ATP2B4: variants seen among roughly 807,000 people sequenced by gnomAD.
ATP2B4 encodes the protein plasma membrane calcium-transporting ATPase 4.
In ATP2B4, 39 loss-of-function variants were observed where a neutral mutation model predicts 110.3. The observed-to-expected ratio is 0.35, with a 90% CI of 0.27 to 0.46. The LOEUF is 0.46. ATP2B4 is among the 20% of genes least tolerant of loss of function. The probability of loss-of-function intolerance (pLI) is 1.00; values close to 1 mark genes in which losing one functional copy is unlikely to be tolerated. For missense variants in ATP2B4, 1,135 were observed against 1,530.9 expected (o/e 0.74, Z 4.32); for synonymous variants, 538 against 571.7 (o/e 0.94, Z 0.84).
intron 1 of ATP2B4, among the ~76,000 whole-genome samples, chr1:203,655,752 T>A (rs1344184940): frequency 6.6e-6 from 1 of 152,074 alleles, no homozygotes; most frequent in Non-Finnish European, 1.5e-5. Flanking sequence ...AAAAAGTCAA[T>A]CAATGCAGCA....
chr1:203,741,148 C>G lies in ATP2B4; in HGVS notation c.*1294C>G, dbSNP rs572260630. The G allele has an allele frequency of 6.6e-6, 1 of 152,626 alleles. No individual in the cohort carries two copies. The highest frequency in any genetic ancestry group is 6.5e-5 in the Admixed American group (1 of 15,300). The allele number at this position is 152,626 out of a possible 1,614,324, so 9.5% of individuals were successfully genotyped here. Reference sequence around the variant, plus strand: ...TTTCCAGTCTCTGAGAAGGTCCCAGCCTTTCTCAAATATTCTGATTTTGAA... The same window carrying G: ...TTTCCAGTCTCTGAGAAGGTCCCAGGCTTTCTCAAATATTCTGATTTTGAA... On this transcript the variant is annotated 3_prime_UTR_variant, in exon 21 of 21. Transcript: ENST00000357681.
Position 203,709,520 on chromosome 1 carries a change from GC to G in ATP2B4, c.1779del (p.Ser594LeufsTer47). 1 of 1,614,132 alleles carries G rather than the reference GC, an allele frequency of 6.2e-7. No homozygotes were observed. Among genetic ancestry groups the G allele is most frequent in the African/African-American group, 1.3e-5 (1 of 75,038 alleles). Reference protein sequence around the residue: ...NGGFRMYSKGASEIILRKCNR... With the variant: ...NGGFRMYSKGXSEIILRKCNR... ...TGGCTTCCGTATGTACAGCAAGGGC[GC>G]CTCTGAGATCATCTTGCGCAAGTGA... On this transcript the variant is annotated frameshift_variant, in exon 11 of 21. Transcript: ENST00000357681. LOFTEE classifies it high-confidence loss of function.
chr1:203,703,865 A>C, intron 8 of ATP2B4, 52 bp downstream of exon 8: 29 of 1,578,226 alleles, frequency 1.8e-5, no homozygotes, highest in Non-Finnish European at 2.4e-5. Flanking sequence ...TTGGATCCTC[A>C]TCACTTTTAT....
intron 1 of ATP2B4, among the ~76,000 whole-genome samples, chr1:203,627,510 C>G (rs1232164467): frequency 1.3e-5 from 2 of 151,836 alleles, no homozygotes; most frequent in Non-Finnish European, 2.9e-5. Flanking sequence ...TTTTTGACAC[C>G]AAAATTGAGC....
At chr1:203,640,978 T>C (rs114575858) in intron 1 of ATP2B4, among the ~76,000 whole-genome samples, 2,490 of 152,330 alleles carry the variant, frequency 0.016, 69 homozygotes, top group African/African-American at 0.057. Context: ...ACAGGCTTTT[T>C]CTTGGAGATC....
Position 203,740,944 on chromosome 1 carries a change from C to A in ATP2B4, c.*1090C>A, listed in dbSNP as rs181921361. On this transcript the variant is annotated 3_prime_UTR_variant, in exon 21 of 21. Transcript: ENST00000357681. ...AGCCATCTGCCAAGGCTCTCCAGGG[C>A]AGGACCTGACTGGTGGGGAATGAGT... The A allele has an allele frequency of 1.3e-5, 2 of 152,406 alleles. No individual in the cohort carries two copies. Among genetic ancestry groups the A allele is most frequent in the African/African-American group, 4.8e-5 (2 of 41,574 alleles). The allele number at this position is 152,406 out of a possible 1,614,324, so 9.4% of individuals were successfully genotyped here.
chr1:203,645,400 TC>T (rs1663764138), intron 1 of ATP2B4, among the ~76,000 whole-genome samples: 1 of 152,178 alleles, frequency 6.6e-6, no homozygotes, highest in Non-Finnish European at 1.5e-5. Flanking sequence ...TATATGCTTT[TC>T]TTCTGCTAGT....
intron 1 of ATP2B4, among the ~76,000 whole-genome samples, chr1:203,675,660 G>A (rs1664807538): frequency 1.3e-5 from 2 of 152,044 alleles, no homozygotes; most frequent in East Asian, 1.9e-4. Context: ...TACCTTTTTT[G>A]GTGGAATTGA....
chr1:203,698,067 C>T (rs1665585403), intron 2 of ATP2B4, 90 bp from the exon 3 acceptor site: 1 of 1,116,710 alleles, frequency 9.0e-7, no homozygotes, highest in Non-Finnish European at 1.3e-6. Context: ...AGTGTAATGA[C>T]ATGATCATGG....
At chr1:203,694,701 G>A (rs150167905) in intron 2 of ATP2B4, among the ~76,000 whole-genome samples, 1 of 152,258 alleles carries the variant, frequency 6.6e-6, no homozygotes, top group East Asian at 1.9e-4. Flanking sequence ...AGGGTTTTGA[G>A]CAGATGAATC....
intron 19 of ATP2B4, among the ~76,000 whole-genome samples, chr1:203,726,537 C>T (rs1325715762): frequency 6.6e-6 from 1 of 152,026 alleles, no homozygotes; most frequent in African/African-American, 2.4e-5. Flanking sequence ...CACATGTGGC[C>T]ATGTGGCCTT....
chr1:203,656,532 C>T (rs1664168547), intron 1 of ATP2B4, among the ~76,000 whole-genome samples: 2 of 152,220 alleles, frequency 1.3e-5, no homozygotes, highest in Admixed American at 1.3e-4. Context: ...CGTCTTCTCA[C>T]ATACTTTTAG....
At chr1:203,663,549 C>T (rs1448042452) in intron 1 of ATP2B4, among the ~76,000 whole-genome samples, 1 of 152,060 alleles carries the variant, frequency 6.6e-6, no homozygotes, top group East Asian at 1.9e-4. Context: ...ATCCCCAGCT[C>T]CAATGTCCTG....
chr1:203,659,542 C>A (rs1445545582), intron 1 of ATP2B4, among the ~76,000 whole-genome samples: 1 of 151,746 alleles, frequency 6.6e-6, no homozygotes, highest in Non-Finnish European at 1.5e-5. Context: ...TGGTGGCACA[C>A]CCCTGTAGTC....
intron 12 of ATP2B4, 89 bp from the exon 13 acceptor site, chr1:203,711,871 T>C: frequency 6.8e-7 from 1 of 1,473,346 alleles, no homozygotes; most frequent in Non-Finnish European, 9.2e-7. Context: ...GCCTTTCTCC[T>C]GTCTGCCACA....
At chr1:203,733,369 T>C in intron 20 of ATP2B4, 1 of 1,614,070 alleles carries the variant, frequency 6.2e-7, no homozygotes, top group Non-Finnish European at 8.5e-7. Flanking sequence ...CCACCACTTC[T>C]GTTCCTGCTG....
At chr1:203,713,532 T>C (rs1016202003) in intron 14 of ATP2B4, among the ~76,000 whole-genome samples, 2 of 152,246 alleles carry the variant, frequency 1.3e-5, no homozygotes, top group East Asian at 3.9e-4. Flanking sequence ...TGGTGCAATC[T>C]CAGCTCACTG....
chr1:203,711,863 C>T, intron 12 of ATP2B4, 97 bp from the exon 13 acceptor site: 1 of 1,430,308 alleles, frequency 7.0e-7, no homozygotes, highest in Non-Finnish European at 9.6e-7. Context: ...TCTAGGGTGC[C>T]TTTCTCCTGT....
chr1:203,627,981 T>C (rs1395432832), intron 1 of ATP2B4, among the ~76,000 whole-genome samples: 1 of 152,136 alleles, frequency 6.6e-6, no homozygotes, highest in Non-Finnish European at 1.5e-5. Flanking sequence ...TGTATGAGTG[T>C]CTCCGAGGGC....
Sources: gnomAD v4.1 joint callset for allele counts (sites outside exome capture counted in the v4.1 genomes callset) on GRCh38, gnomAD v4.1.1 for gene constraint, MANE v1.5 for transcripts, NCBI Gene and HGNC (gene_info 2026-07-23, HGNC 2026-07-21) for gene names.